The following MVK variants were observed in gnomAD, a reference collection of about 807,000 sequenced individuals.
MVK encodes the protein LH receptor mRNA-binding protein.
Under a neutral mutation model 43.2 loss-of-function variants are expected in MVK, and 34 were observed. The observed-to-expected ratio is 0.79, with a 90% confidence interval of 0.60 to 1.05. The LOEUF (loss-of-function observed/expected upper bound fraction) is 1.05. Among genes scored for constraint, MVK ranks in the 50% least tolerant of loss-of-function variants. The probability of loss-of-function intolerance (pLI) is 0.00; values close to 1 mark genes in which losing one functional copy is unlikely to be tolerated. For synonymous variants in MVK, 190 were observed against 219.8 expected (o/e 0.86, Z 1.20); for missense variants, 395 against 504.0 (o/e 0.78, Z 2.07).
chr12:109,576,265 C>T (rs1173176227), intron 3 of MVK, 120 bp downstream of exon 3: 24 of 1,261,000 alleles, frequency 1.9e-5, no homozygotes, highest in African/African-American at 3.0e-5. Context: ...GTTTTCTACC[C>T]TGACCTCATA....
In MVK at chr12:109,597,663, C is replaced by A. The variant is rs1009553923; in HGVS notation, c.*1086C>A. ...GGGTGCCTGGCACTCCCCACCCCCGCCCCCCACCGGCCCTATTTGAACTTT... is the reference window on the plus strand; with the variant it reads ...GGGTGCCTGGCACTCCCCACCCCCGACCCCCACCGGCCCTATTTGAACTTT... On this transcript the variant is annotated 3_prime_UTR_variant, in exon 11 of 11. Coordinates refer to ENST00000228510, the MANE Select transcript of MVK (RefSeq NM_000431.4). 3.9e-5 allele frequency: 6 copies of A among 152,280 alleles called. No individual in the cohort carries two copies. The highest frequency in any genetic ancestry group is 1.4e-4 in the African/African-American group (6 of 41,418). 9.4% of individuals were successfully genotyped at this position (152,280 alleles called of 1,614,324 possible).
At chr12:109,591,201 C>T in intron 8 of MVK, 40 bp from the exon 9 acceptor site, 1 of 1,586,122 alleles carries the variant, frequency 6.3e-7, no homozygotes, top group South Asian at 1.1e-5. Context: ...CATCTGCCTG[C>T]CCCCAGGCCT....
At chr12:109,580,567 G>A (rs1413345199) in intron 4 of MVK, among the ~76,000 whole-genome samples, 1 of 152,176 alleles carries the variant, frequency 6.6e-6, no homozygotes, top group Admixed American at 6.5e-5. Flanking sequence ...GCCGTCCGAA[G>A]CAGAATTTCA....
intron 7 of MVK, among the ~76,000 whole-genome samples, chr12:109,587,437 A>G (rs760838555): frequency 2.6e-5 from 4 of 152,148 alleles, no homozygotes; most frequent in Non-Finnish European, 5.9e-5. Flanking sequence ...TTGCGATTTC[A>G]GCATCCTCTG....
At chr12:109,591,079 C>A (rs1319278556) in intron 8 of MVK, among the ~76,000 whole-genome samples, 162 bp from the exon 9 acceptor site, 1 of 152,208 alleles carries the variant, frequency 6.6e-6, no homozygotes, top group South Asian at 2.1e-4. Flanking sequence ...ACTGACTTTG[C>A]AGCTGGGAAG....
chr12:109,596,539 C>T lies in MVK; in HGVS notation c.1153C>T (p.Leu385=). Residue 385 remains leucine, a synonymous_variant, in exon 11 of 11, where the codon CTG becomes TTG. Transcript: ENST00000228510. Reference sequence around the variant, plus strand: ...CGTCTCCATCCACTCAGCCACCTCCCTGGACAGCCGAGTCCAGCAAGCCCT... The same window carrying T: ...CGTCTCCATCCACTCAGCCACCTCCTTGGACAGCCGAGTCCAGCAAGCCCT... The part of the protein sequence containing the change: ...PGVSIHSATS[L]DSRVQQALDG... The T allele has an allele frequency of 1.2e-6, 2 of 1,612,100 alleles. No individual in the cohort carries two copies. Among genetic ancestry groups the T allele is most frequent in the South Asian group, 2.2e-5 (2 of 91,086 alleles).
chr12:109,581,688 C>T, intron 5 of MVK, 138 bp downstream of exon 5: 1 of 1,292,162 alleles, frequency 7.7e-7, no homozygotes, highest in Non-Finnish European at 1.1e-6. Context: ...AAGCTGAGCC[C>T]CGAGAGGTCA....
At chr12:109,590,538 G>A (rs1429307142) in intron 7 of MVK, 1 of 583,240 alleles carries the variant, frequency 1.7e-6, no homozygotes, top group East Asian at 3.0e-5. Context: ...AGTTGAAGTT[G>A]AATGAATAAA....
chr12:109,595,423 A>G lies in MVK; in HGVS notation c.1039+242A>G, dbSNP rs565328740. On this transcript the variant is annotated intron_variant, in intron 10 of 10. Transcript: ENST00000228510. The surrounding 1 kb of genome is among the most constrained non-coding windows in gnomAD (Gnocchi z 5.9). The stretch of plus-strand genomic sequence containing the variant: ...AAAGTGCACCTAGAGAGCCTGGTGC[A>G]GGGCTGGGCTGTGGCTGGGGCTCCT... 3.5e-4 allele frequency among the ~76,000 whole-genome samples: 53 copies of G among 152,240 alleles called. No homozygotes were observed. Among genetic ancestry groups the G allele is most frequent in the Non-Finnish European group, 5.6e-4 (38 of 68,018 alleles).
rs886444289 is a variant in MVK at position 109,595,889 on chromosome 12, C to G, written c.1040-537C>G. Among the ~76,000 whole-genome samples, 2 of 152,154 alleles carry G rather than the reference C, an allele frequency of 1.3e-5. No individual in the cohort carries two copies. Among genetic ancestry groups the G allele is most frequent in the African/African-American group, 4.8e-5 (2 of 41,422 alleles). On this transcript the variant is annotated intron_variant, in intron 10 of 10. Transcript: ENST00000228510. The surrounding 1 kb of genome is among the most constrained non-coding windows in gnomAD (Gnocchi z 5.9). Reference sequence around the variant, plus strand: ...TGAGCCCCCTTAGGCTCCAGACATCCCCTCACACTCCATGATGGCTCCCAG... The same window carrying G: ...TGAGCCCCCTTAGGCTCCAGACATCGCCTCACACTCCATGATGGCTCCCAG...
rs2270375 is a variant in MVK at position 109,586,736 on chromosome 12, A to G, written c.632-18A>G. 0.25 allele frequency: 403,929 copies of G among 1,612,244 alleles called. 52,002 individuals carry two copies. Among genetic ancestry groups the G allele is most frequent in the African/African-American group, 0.31 (23,104 of 74,926 alleles). On this transcript the variant is annotated intron_variant, in intron 6 of 10. Coordinates refer to ENST00000228510, the MANE Select transcript of MVK (RefSeq NM_000431.4). ...TTAGCTTTTCCCACAGCTCTGACCC[A>G]CTGGTTTTTCTCTTTAGGAGGAGCC... is the stretch of plus-strand genomic sequence containing the variant.
In MVK at chr12:109,581,628, C is replaced by T. The variant is rs2136227658; in HGVS notation, c.527+78C>T. 1.8e-5 allele frequency: 28 copies of T among 1,596,830 alleles called. No homozygotes were observed. The South Asian group carries it at 3.1e-4, about 18-fold the overall frequency. On this transcript the variant is annotated intron_variant, in intron 5 of 10. Coordinates refer to ENST00000228510, the MANE Select transcript of MVK (RefSeq NM_000431.4). Reference sequence around the variant, plus strand: ...CGTGGCTTCTCTCACTGAGACCTCACCACCTCCCTGTGAGGTGAGAGGTGT... The same window carrying T: ...CGTGGCTTCTCTCACTGAGACCTCATCACCTCCCTGTGAGGTGAGAGGTGT...
rs772552059 is a variant in MVK, at chr12:109,574,874, G to A, written c.52G>A (p.Gly18Arg). Residue 18 changes from glycine to arginine, a missense_variant, in exon 2 of 11, where the codon GGA becomes AGA. Gly to Arg is a moderately radical substitution (Grantham distance 125). Transcript: ENST00000228510. Reference sequence around the variant, plus strand: ...TGCTCCGGGGAAAGTCATCCTTCATGGAGAACATGCCGTGGTACATGGCAA... The same window carrying A: ...TGCTCCGGGGAAAGTCATCCTTCATAGAGAACATGCCGTGGTACATGGCAA... ...VSAPGKVILHGEHAVVHGKVA... is the reference protein window; with the variant it reads ...VSAPGKVILHREHAVVHGKVA... 1.2e-6 allele frequency: 2 copies of A among 1,610,158 alleles called. No individual in the cohort carries two copies. Among genetic ancestry groups the A allele is most frequent in the Non-Finnish European group, 8.5e-7 (1 of 1,178,368 alleles).
intron 4 of MVK, among the ~76,000 whole-genome samples, chr12:109,580,678 A>G (rs972714769): frequency 3.3e-5 from 5 of 152,168 alleles, no homozygotes; most frequent in African/African-American, 4.8e-5. Flanking sequence ...ACATTATTAC[A>G]ATTTTTCTAT....
chr12:109,590,445 A>G (rs1885615158), intron 7 of MVK: 2 of 404,262 alleles, frequency 4.9e-6, no homozygotes, highest in African/African-American at 4.1e-5. Flanking sequence ...GTCATGCCAG[A>G]AAAACCTTCT....
intron 3 of MVK, among the ~76,000 whole-genome samples, chr12:109,576,788 T>C (rs993386594): frequency 1.3e-5 from 2 of 151,744 alleles, no homozygotes; most frequent in African/African-American, 4.9e-5. Flanking sequence ...GGAGAATCGC[T>C]TGAACCTGGG....
intron 5 of MVK, among the ~76,000 whole-genome samples, chr12:109,584,814 G>C (rs1404274135): frequency 6.6e-6 from 1 of 152,156 alleles, no homozygotes; most frequent in Non-Finnish European, 1.5e-5. Flanking sequence ...GAACCCAGGA[G>C]GCAGAGGTTG....
intron 5 of MVK, among the ~76,000 whole-genome samples, 166 bp from the exon 6 acceptor site, chr12:109,585,856 A>G (rs923038297): frequency 2.0e-5 from 3 of 152,244 alleles, no homozygotes; most frequent in African/African-American, 7.2e-5. Context: ...GGAAGGGCGC[A>G]CACTTGGCAC....
rs72648044 is a variant in MVK at position 109,597,008 on chromosome 12, C to T, written c.*431C>T. ...CGCCCCCTGTCTCTCAGGGCCAGGC[C>T]TCTCCCTCCTCCAGGAAGCCTTCCC... On this transcript the variant is annotated 3_prime_UTR_variant, in exon 11 of 11. Transcript: ENST00000228510. 3.6e-4 allele frequency: 93 copies of T among 256,650 alleles called. No individual in the cohort carries two copies. Among genetic ancestry groups the T allele is most frequent in the Non-Finnish European group, 3.1e-4 (40 of 128,530 alleles). 15.9% of individuals were successfully genotyped at this position (256,650 alleles called of 1,614,324 possible).
Sources: allele counts gnomAD v4.1 joint callset (sites outside exome capture counted in the v4.1 genomes callset), GRCh38; gene constraint gnomAD v4.1.1; non-coding constraint Gnocchi (gnomAD v3.1); transcripts MANE v1.5; gene names NCBI Gene and HGNC (gene_info 2026-07-23, HGNC 2026-07-21).